The following CNTF variants were observed in gnomAD, a reference collection of about 807,000 sequenced individuals.
CNTF encodes Ciliary Neuronotrophic Factor.
CNTF carries 14 observed loss-of-function variants against 13.0 expected under a neutral mutation model. That is an observed-to-expected ratio of 1.07 (90% CI 0.71 to 1.68). CNTF has a LOEUF of 1.68. CNTF is among the 40% of genes most tolerant of loss of function. The pLI, the probability that CNTF is intolerant of heterozygous loss-of-function variation, is 0.00. For missense variants in CNTF, 283 were observed against 252.5 expected (o/e 1.12, Z -0.82); for synonymous variants, 98 against 92.4 (o/e 1.06, Z -0.35).
At position 58,624,253 on chromosome 11, in the gene CNTF, C is replaced by A; in HGVS notation, c.334C>A (p.Leu112Ile). ...EGDFHQAIHTLLLQVAAFAYQ... is the reference protein window; with the variant it reads ...EGDFHQAIHTILLQVAAFAYQ... ...TGACTTCCATCAAGCTATACATACCCTTCTTCTCCAAGTCGCTGCCTTTGC... is the reference window on the plus strand; with the variant it reads ...TGACTTCCATCAAGCTATACATACCATTCTTCTCCAAGTCGCTGCCTTTGC... The change falls in exon 2 of 2, where the codon CTT becomes ATT. Residue 112 changes from leucine to isoleucine, a missense_variant. Physicochemically the swap from Leu to Ile is conservative, Grantham distance 5. Transcript: ENST00000361987. 1 of 1,613,920 alleles carries A rather than the reference C, an allele frequency of 6.2e-7. No homozygotes were observed. Among genetic ancestry groups the A allele is most frequent in the Non-Finnish European group, 8.5e-7 (1 of 1,179,968 alleles).
chr11:58,623,233 T>G (rs1855879908), intron 1 of CNTF, among the ~76,000 whole-genome samples: 1 of 152,182 alleles, frequency 6.6e-6, no homozygotes, highest in Non-Finnish European at 1.5e-5. Context: ...GCTATGTAAA[T>G]GAAAGGTTTA....
rs1855899744 is a variant in CNTF, at chr11:58,624,400, G to T, written c.481G>T (p.Val161Leu). The T allele has an allele frequency of 6.2e-7, 1 of 1,614,036 alleles. No individual in the cohort carries two copies. Among genetic ancestry groups the T allele is most frequent in the Non-Finnish European group, 8.5e-7 (1 of 1,179,978 alleles). Residue 161 changes from valine to leucine, a missense_variant, in exon 2 of 2, where the codon GTG becomes TTG. Coordinates refer to ENST00000361987, the MANE Select transcript of CNTF (RefSeq NM_000614.4). ...LFEKKLWGLK[V>L]LQELSQWTVR... is the part of the protein sequence containing the mutation. Reference sequence around the variant, plus strand: ...TGAGAAGAAGCTGTGGGGCCTAAAGGTGCTGCAGGAGCTTTCACAGTGGAC... The same window carrying T: ...TGAGAAGAAGCTGTGGGGCCTAAAGTTGCTGCAGGAGCTTTCACAGTGGAC...
At position 58,625,517 on chromosome 11, in the gene CNTF, C is replaced by T. The variant is rs184848675; in HGVS notation, c.*995C>T. ...AAGTTCTCAAATATTGGGTTGGGCA[C>T]GGCTTATACCAGGTTACCTCACTTT... is the stretch of plus-strand genomic sequence containing the variant. On this transcript the variant is annotated 3_prime_UTR_variant, in exon 2 of 2. Transcript: ENST00000361987. The T allele has an allele frequency of 1.1e-4, 17 of 152,220 alleles. No homozygotes were observed. In the East Asian group the frequency reaches 1.3e-3, roughly 12 times the overall value. 9.4% of individuals were successfully genotyped at this position (152,220 alleles called of 1,614,324 possible). A position where few individuals can be genotyped will look rare whatever the true frequency, so the allele number is the denominator to read the frequency against.
chr11:58,624,663 G>T lies in CNTF; in HGVS notation c.*141G>T, dbSNP rs1855905811. On this transcript the variant is annotated 3_prime_UTR_variant, in exon 2 of 2. Coordinates refer to ENST00000361987, the MANE Select transcript of CNTF (RefSeq NM_000614.4). ...TTTCTTTTTTCTCTGACCACCTGCAGCCTGTTGAAGGACTACAGGTATTTT... is the reference window on the plus strand; with the variant it reads ...TTTCTTTTTTCTCTGACCACCTGCATCCTGTTGAAGGACTACAGGTATTTT... 3.2e-6 allele frequency: 3 copies of T among 933,708 alleles called. No homozygotes were observed. The highest frequency in any genetic ancestry group is 3.3e-6 in the Non-Finnish European group (2 of 612,556). The allele number at this position is 933,708 out of a possible 1,614,324, so 57.8% of individuals were successfully genotyped here. A position where few individuals can be genotyped will look rare whatever the true frequency, so the allele number is the denominator to read the frequency against.
rs1170711928 is a variant in CNTF at position 58,625,637 on chromosome 11, A to AC, written c.*1116dup. 7.2e-5 allele frequency: 11 copies of AC among 152,184 alleles called. No homozygotes were observed. The highest frequency in any genetic ancestry group is 1.4e-4 in the African/African-American group (6 of 41,430). The allele number at this position is 152,184 out of a possible 1,614,324, so 9.4% of individuals were successfully genotyped here. A position where few individuals can be genotyped will look rare whatever the true frequency, so the allele number is the denominator to read the frequency against. On this transcript the variant is annotated 3_prime_UTR_variant, in exon 2 of 2. Coordinates refer to ENST00000361987, the MANE Select transcript of CNTF (RefSeq NM_000614.4). ...CAAACTTTCACCTCAGATTTTCTGG[A>AC]CTTAGTCATGAGGAGAGGGTGAGGC...
chr11:58,622,795 G>A lies in CNTF; in HGVS notation c.43G>A (p.Asp15Asn). The A allele has an allele frequency of 6.2e-7, 1 of 1,614,012 alleles. No homozygotes were observed. The highest frequency in any genetic ancestry group is 1.1e-5 in the South Asian group (1 of 91,072). The change falls in exon 1 of 2, where the codon GAC (aspartate) becomes AAC (asparagine). Residue 15 changes from aspartate to asparagine, a missense_variant. By Grantham distance (23) the Asp-to-Asn change is conservative. Coordinates refer to ENST00000361987, the MANE Select transcript of CNTF (RefSeq NM_000614.4). ...TTCACCGCTGACCCCTCACCGTCGGGACCTCTGTAGCCGCTCTATCTGGCT... is the reference window on the plus strand; with the variant it reads ...TTCACCGCTGACCCCTCACCGTCGGAACCTCTGTAGCCGCTCTATCTGGCT... ...EHSPLTPHRR[D>N]LCSRSIWLAR...
Position 58,625,074 on chromosome 11 carries a change from G to A in CNTF, c.*552G>A, listed in dbSNP as rs1341071794. 2.0e-5 allele frequency: 3 copies of A among 153,760 alleles called. No individual in the cohort carries two copies. Among genetic ancestry groups the A allele is most frequent in the African/African-American group, 4.8e-5 (2 of 41,450 alleles). 9.5% of individuals were successfully genotyped at this position (153,760 alleles called of 1,614,324 possible). A position where few individuals can be genotyped will look rare whatever the true frequency, so the allele number is the denominator to read the frequency against. Reference sequence around the variant, plus strand: ...CAGCGTTTACAACCTTGTGAGCAAGGTGGTGTTACTCCCATTAGGTAGATG... The same window carrying A: ...CAGCGTTTACAACCTTGTGAGCAAGATGGTGTTACTCCCATTAGGTAGATG... On this transcript the variant is annotated 3_prime_UTR_variant, in exon 2 of 2. Coordinates refer to ENST00000361987, the MANE Select transcript of CNTF (RefSeq NM_000614.4).
At position 58,624,246 on chromosome 11, in the gene CNTF, A is replaced by G. The variant is rs999114970; in HGVS notation, c.327A>G (p.Ile109Met). The G allele has an allele frequency of 3.1e-6, 5 of 1,613,826 alleles. No individual in the cohort carries two copies. The African/African-American group carries it at 5.3e-5, about 17-fold the overall frequency. ...TPTEGDFHQA[I>M]HTLLLQVAAF... ...CCGAAGGTGACTTCCATCAAGCTATACATACCCTTCTTCTCCAAGTCGCTG... is the reference window on the plus strand; with the variant it reads ...CCGAAGGTGACTTCCATCAAGCTATGCATACCCTTCTTCTCCAAGTCGCTG... The change falls in exon 2 of 2, where the codon ATA (isoleucine) becomes ATG (methionine). Residue 109 changes from isoleucine to methionine, a missense_variant. Physicochemically the swap from Ile to Met is conservative, Grantham distance 10. Transcript: ENST00000361987.
chr11:58,624,208 C>A lies in CNTF; in HGVS notation c.289C>A (p.His97Asn). The A allele has an allele frequency of 6.2e-7, 1 of 1,613,982 alleles. No individual in the cohort carries two copies. The highest frequency in any genetic ancestry group is 1.1e-5 in the South Asian group (1 of 91,066). ...LARLLEDQQVHFTPTEGDFHQ... is the reference protein window; with the variant it reads ...LARLLEDQQVNFTPTEGDFHQ... ...CAGGCTCTTAGAAGACCAGCAGGTG[C>A]ATTTTACCCCAACCGAAGGTGACTT... Residue 97 changes from histidine (H) to asparagine (N), a missense_variant, in exon 2 of 2, where the codon CAT (histidine) becomes AAT (asparagine). His to Asn is a moderately conservative substitution (Grantham distance 68). Coordinates refer to ENST00000361987, the MANE Select transcript of CNTF (RefSeq NM_000614.4).
rs1469579583 is a variant in CNTF, at chr11:58,622,800, C to T, written c.48C>T (p.Leu16=). The T allele has an allele frequency of 6.2e-7, 1 of 1,614,048 alleles. No homozygotes were observed. The highest frequency in any genetic ancestry group is 1.1e-5 in the South Asian group (1 of 91,070). ...HSPLTPHRRD[L]CSRSIWLARK... ...CGCTGACCCCTCACCGTCGGGACCT[C>T]TGTAGCCGCTCTATCTGGCTAGCAA... is the stretch of plus-strand genomic sequence containing the variant. Residue 16 remains leucine (L), a synonymous_variant, in exon 1 of 2, where the codon CTC becomes CTT. Transcript: ENST00000361987.
rs1855908891 is a variant in CNTF, at chr11:58,624,856, G to T, written c.*334G>T. 3 of 293,470 alleles carry T rather than the reference G, an allele frequency of 1.0e-5. No individual in the cohort carries two copies. Among genetic ancestry groups the T allele is most frequent in the Admixed American group, 4.9e-5 (1 of 20,602 alleles). The allele number at this position is 293,470 out of a possible 1,614,324, so 18.2% of individuals were successfully genotyped here. On this transcript the variant is annotated 3_prime_UTR_variant, in exon 2 of 2. Transcript: ENST00000361987. ...TCTAACCCACTAAGTAACCTCTACA[G>T]GCATTTAACTGCCTTACAGACAGAA...
At position 58,624,411 on chromosome 11, in the gene CNTF, G is replaced by A. The variant is rs142485756; in HGVS notation, c.492G>A (p.Glu164=). The A allele has an allele frequency of 1.5e-5, 25 of 1,613,844 alleles. No homozygotes were observed. The highest frequency in any genetic ancestry group is 1.9e-5 in the Non-Finnish European group (23 of 1,179,958). Residue 164 remains glutamate, a synonymous_variant, in exon 2 of 2, where the codon GAG becomes GAA. Transcript: ENST00000361987. ...KKLWGLKVLQ[E]LSQWTVRSIH... ...TGTGGGGCCTAAAGGTGCTGCAGGA[G>A]CTTTCACAGTGGACAGTAAGGTCCA...
intron 1 of CNTF, among the ~76,000 whole-genome samples, chr11:58,623,068 A>T (rs770170087): frequency 6.6e-6 from 1 of 152,186 alleles, no homozygotes; most frequent in Non-Finnish European, 1.5e-5. Flanking sequence ...AGATGAAGTT[A>T]CTTGAATGAG....
At chr11:58,623,882 AATTAAGAGTTC>A in intron 1 of CNTF, 141 bp from the exon 2 acceptor site, 1 of 1,017,062 alleles carries the variant, frequency 9.8e-7, no homozygotes, top group Non-Finnish European at 1.4e-6. Context: ...ATAGAGCCCA[AATTAAGAGTTC>A]CTACTGTAGA....
At position 58,624,429 on chromosome 11, in the gene CNTF, A is replaced by T; in HGVS notation, c.510A>T (p.Val170=). ...KVLQELSQWT[V]RSIHDLRFIS... ...TGCAGGAGCTTTCACAGTGGACAGT[A>T]AGGTCCATCCATGACCTTCGTTTCA... Residue 170 remains valine (V), a synonymous_variant, in exon 2 of 2, where the codon GTA becomes GTT. Coordinates refer to ENST00000361987, the MANE Select transcript of CNTF (RefSeq NM_000614.4). 6.2e-7 allele frequency: 1 copy of T among 1,613,986 alleles called. No homozygotes were observed.
At chr11:58,623,000 G>A (rs1855875609) in intron 1 of CNTF, 134 bp downstream of exon 1, 3 of 737,742 alleles carry the variant, frequency 4.1e-6, no homozygotes, top group Non-Finnish European at 4.8e-6. Flanking sequence ...TATTTGACAT[G>A]GGCCCTTCCC....
rs1855896657 is a variant in CNTF, at chr11:58,624,277, G to A, written c.358G>A (p.Ala120Thr). The change falls in exon 2 of 2, where the codon GCA becomes ACA. Residue 120 changes from alanine to threonine, a missense_variant. Coordinates refer to ENST00000361987, the MANE Select transcript of CNTF (RefSeq NM_000614.4). ...HTLLLQVAAFAYQIEELMILL... is the reference protein window; with the variant it reads ...HTLLLQVAAFTYQIEELMILL... The stretch of plus-strand genomic sequence containing the variant: ...CCTTCTTCTCCAAGTCGCTGCCTTT[G>A]CATACCAGATAGAGGAGTTAATGAT... The A allele has an allele frequency of 6.2e-7, 1 of 1,613,730 alleles. No homozygotes were observed.
At position 58,622,834 on chromosome 11, in the gene CNTF, C is replaced by G. The variant is rs761605079; in HGVS notation, c.82C>G (p.Arg28Gly). Residue 28 changes from arginine (R) to glycine (G), a missense_variant, in exon 1 of 2, where the codon CGT (arginine) becomes GGT (glycine). By Grantham distance (125) the Arg-to-Gly change is moderately radical. Transcript: ENST00000361987. ...CTCTATCTGGCTAGCAAGGAAGATTCGTTCAGACCTGACTGCTCTTACGGA... is the reference window on the plus strand; with the variant it reads ...CTCTATCTGGCTAGCAAGGAAGATTGGTTCAGACCTGACTGCTCTTACGGA... ...SRSIWLARKI[R>G]SDLTALTESY... The G allele has an allele frequency of 5.0e-6, 8 of 1,613,838 alleles. No individual in the cohort carries two copies. In the Admixed American group the frequency reaches 8.3e-5, roughly 17 times the overall value.
At position 58,624,078 on chromosome 11, in the gene CNTF, G is replaced by C. The variant is rs140939647; in HGVS notation, c.159G>C (p.Ala53=). 2.0e-5 allele frequency: 32 copies of C among 1,611,506 alleles called. No individual in the cohort carries two copies. The highest frequency in any genetic ancestry group is 1.7e-6 in the Non-Finnish European group (2 of 1,178,752). ...ACAAGAACATCAACCTGGACTCTGCGGATGGGATGCCAGTGGCAAGCACTG... is the reference window on the plus strand; with the variant it reads ...ACAAGAACATCAACCTGGACTCTGCCGATGGGATGCCAGTGGCAAGCACTG... ...GLNKNINLDS[A]DGMPVASTDQ... is the part of the protein sequence containing the mutation. The change falls in exon 2 of 2, where the codon GCG becomes GCC. Residue 53 remains alanine (A), a synonymous_variant. Transcript: ENST00000361987.
Sources: gnomAD v4.1 joint callset for allele counts (sites outside exome capture counted in the v4.1 genomes callset) on GRCh38, gnomAD v4.1.1 for gene constraint, MANE v1.5 for transcripts, NCBI Gene and HGNC (gene_info 2026-07-23, HGNC 2026-07-21) for gene names.